ZNF770: variants seen among roughly 807,000 people sequenced by gnomAD.
ZNF770 encodes zinc finger protein 770.
A neutral mutation model predicts 44.8 loss-of-function variants in ZNF770; 13 were observed. That is an observed-to-expected ratio of 0.29 (90% CI 0.19 to 0.46). ZNF770 has a LOEUF of 0.46. Ranked by LOEUF, ZNF770 falls within the 20% of genes least tolerant of loss-of-function variation. ZNF770 has a pLI of 1.00. For missense variants in ZNF770, 681 were observed against 797.9 expected, an observed-to-expected ratio of 0.85 and a Z score of 1.77; for synonymous variants, 304 against 271.8, an observed-to-expected ratio of 1.12 and a Z score of -1.17.
Position 34,982,401 on chromosome 15 carries a change from C to T in ZNF770, c.1034G>A (p.Arg345His), listed in dbSNP as rs561248623. The change falls in exon 3 of 3, where the codon CGT becomes CAT. Residue 345 changes from arginine to histidine, a missense_variant. By Grantham distance (29) the Arg-to-His change is conservative. This residue lies in a region of ZNF770 where 432 missense variants were observed against 434.1 expected (regional missense o/e 1.00). Coordinates refer to ENST00000356321, the MANE Select transcript of ZNF770 (RefSeq NM_014106.4). Reference sequence around the variant, plus strand: ...GTTATCTAATTTTTTACTCCTAGCACGCTTAAGCTTGGCCAAGATTTTTTT... The same window carrying T: ...GTTATCTAATTTTTTACTCCTAGCATGCTTAAGCTTGGCCAAGATTTTTTT... ...IVKKILAKLK[R>H]ARSKKLDNFQ... The T allele has an allele frequency of 2.5e-5, 41 of 1,612,944 alleles. No individual in the cohort carries two copies. Among genetic ancestry groups the T allele is most frequent in the African/African-American group, 4.0e-5 (3 of 75,006 alleles).
At chr15:34,984,252 G>A (rs1378735463) in intron 2 of ZNF770, among the ~76,000 whole-genome samples, 3 of 152,038 alleles carry the variant, frequency 2.0e-5, no homozygotes, top group Non-Finnish European at 4.4e-5. Flanking sequence ...TAAATCTAAG[G>A]AACTATTTAG....
In ZNF770 at chr15:34,982,162, T is replaced by C. The variant is rs377409610; in HGVS notation, c.1273A>G (p.Thr425Ala). ...TTATCAATGCTTAATATGTTTTCTG[T>C]CGTAAGGATGCCTTTCAAATTTTTT... ...MGKNLKGILT[T>A]ENILSIDNSV... Residue 425 changes from threonine to alanine, a missense_variant, in exon 3 of 3, where the codon ACA (threonine) becomes GCA (alanine). Physicochemically the swap from Thr to Ala is moderately conservative, Grantham distance 58. Transcript: ENST00000356321. The C allele has an allele frequency of 2.4e-5, 38 of 1,613,218 alleles. No homozygotes were observed. Among genetic ancestry groups the C allele is most frequent in the Non-Finnish European group, 2.9e-5 (34 of 1,179,854 alleles).
At chr15:34,985,718 A>C (rs999040072) in intron 2 of ZNF770, among the ~76,000 whole-genome samples, 1 of 152,058 alleles carries the variant, frequency 6.6e-6, no homozygotes, top group African/African-American at 2.4e-5. Context: ...ACATGGTGAA[A>C]CCCTGTCTCT....
rs2050413027 is a variant in ZNF770, at chr15:34,983,009, G to A, written c.426C>T (p.His142=). Residue 142 remains histidine (H), a synonymous_variant, in exon 3 of 3, where the codon CAC becomes CAT. Coordinates refer to ENST00000356321, the MANE Select transcript of ZNF770 (RefSeq NM_014106.4). ...ACATGGGATCAGACTTAGAGCACGG[G>A]TGTAATGCCCATCTTTCCTCTGTGG... ...TFTTEERWAL[H]PCSKSDPMYS... 1 of 1,613,892 alleles carries A rather than the reference G, an allele frequency of 6.2e-7. No homozygotes were observed. The highest frequency in any genetic ancestry group is 2.2e-5 in the East Asian group (1 of 44,874).
chr15:34,984,328 A>G (rs2050421495), intron 2 of ZNF770, among the ~76,000 whole-genome samples: 1 of 152,208 alleles, frequency 6.6e-6, no homozygotes, highest in East Asian at 1.9e-4. Context: ...AGCGTTTCTC[A>G]ATAAGAGATA....
Position 34,983,305 on chromosome 15 carries a change from T to C in ZNF770, c.130A>G (p.Arg44Gly). ...KHFETPSKLA[R>G]HYLIHTGQKP... ...TGACCAGTATGAATGAGATAGTGCC[T>C]AGCTAATTTTGATGGTGTTTCAAAG... Residue 44 changes from arginine to glycine, a missense_variant, in exon 3 of 3, where the codon AGG (arginine) becomes GGG (glycine). Arg to Gly is a moderately radical substitution (Grantham distance 125). Around this residue, in one of 5 missense-constraint regions of ZNF770, gnomAD observed 65 missense variants for 115.0 expected, o/e 0.57. Coordinates refer to ENST00000356321, the MANE Select transcript of ZNF770 (RefSeq NM_014106.4). The C allele has an allele frequency of 6.2e-7, 1 of 1,613,444 alleles. No individual in the cohort carries two copies. The highest frequency in any genetic ancestry group is 8.5e-7 in the Non-Finnish European group (1 of 1,179,516).
At position 34,981,492 on chromosome 15, in the gene ZNF770, G is replaced by C; in HGVS notation, c.1943C>G (p.Ala648Gly). ...TGAGCATTCAAATGGTTTCTGCCCT[G>C]CATGAATTAGGTAGTGTCTTTCCAG... ...SKLERHYLIH[A>G]GQKPFECSVC... Residue 648 changes from alanine (A) to glycine (G), a missense_variant, in exon 3 of 3, where the codon GCA (alanine) becomes GGA (glycine). Physicochemically the swap from Ala to Gly is moderately conservative, Grantham distance 60. Coordinates refer to ENST00000356321, the MANE Select transcript of ZNF770 (RefSeq NM_014106.4). 1 of 1,614,222 alleles carries C rather than the reference G, an allele frequency of 6.2e-7. No individual in the cohort carries two copies. The highest frequency in any genetic ancestry group is 1.1e-5 in the South Asian group (1 of 91,086).
chr15:34,979,664 G>A lies in ZNF770; in HGVS notation c.*1695C>T, dbSNP rs914529339. The A allele has an allele frequency of 5.4e-5, 23 of 428,922 alleles. No homozygotes were observed. The highest frequency in any genetic ancestry group is 3.6e-4 in the Admixed American group (14 of 38,626). 26.6% of individuals were successfully genotyped at this position (428,922 alleles called of 1,614,324 possible). The stretch of plus-strand genomic sequence containing the variant: ...ATCACCCCCACCTACTATCCCTCCC[G>A]CCTCCCCCCTGTCAAAAGAAAGTTC... On this transcript the variant is annotated 3_prime_UTR_variant, in exon 3 of 3. Transcript: ENST00000356321.
Position 34,981,167 on chromosome 15 carries a change from A to G in ZNF770, c.*192T>C. 1 of 590,988 alleles carries G rather than the reference A, an allele frequency of 1.7e-6. No individual in the cohort carries two copies. Among genetic ancestry groups the G allele is most frequent in the South Asian group, 2.5e-5 (1 of 40,504 alleles). 36.6% of individuals were successfully genotyped at this position (590,988 alleles called of 1,614,324 possible). On this transcript the variant is annotated 3_prime_UTR_variant, in exon 3 of 3. Transcript: ENST00000356321. ...AGCATCAAATCATGTTCTTGCCTCT[A>G]AAATTAACTTGGCTGTTTCTAAAAC...
rs1346597672 is a variant in ZNF770, at chr15:34,982,053, A to G, written c.1382T>C (p.Phe461Ser). The change falls in exon 3 of 3, where the codon TTT (phenylalanine) becomes TCT (serine). Residue 461 changes from phenylalanine (F) to serine (S), a missense_variant. Physicochemically the swap from Phe to Ser is radical, Grantham distance 155 (BLOSUM62 -2). Around this residue, in one of 5 missense-constraint regions of ZNF770, gnomAD observed 432 missense variants for 434.1 expected, o/e 1.00. Transcript: ENST00000356321. ...FNNCEVLQCG[F>S]SVPRENIRTR... ...ACGTATGTTTTCCCTTGGAACTGAA[A>G]AACCACACTGAAGTACCTCACAGTT... 6.2e-7 allele frequency: 1 copy of G among 1,613,728 alleles called. No individual in the cohort carries two copies. The highest frequency in any genetic ancestry group is 2.2e-5 in the East Asian group (1 of 44,864).
intron 2 of ZNF770, among the ~76,000 whole-genome samples, chr15:34,985,065 C>T (rs542551181): frequency 6.8e-6 from 1 of 147,598 alleles, no homozygotes; most frequent in East Asian, 2.0e-4. Flanking sequence ...ACTGGGGAGG[C>T]GGAGGTTGCA....
At chr15:34,986,332 T>C (rs897134628) in intron 2 of ZNF770, among the ~76,000 whole-genome samples, 4 of 152,198 alleles carry the variant, frequency 2.6e-5, no homozygotes, top group African/African-American at 9.7e-5. Flanking sequence ...ATAACCCAGA[T>C]ATCAATGTTA....
intron 2 of ZNF770, among the ~76,000 whole-genome samples, chr15:34,985,935 AAAT>A (rs1166118205): frequency 6.6e-6 from 1 of 152,104 alleles, no homozygotes; most frequent in Non-Finnish European, 1.5e-5. Flanking sequence ...AATAGGGGAT[AAAT>A]AATAGTAGAA....
rs141067974 is a variant in ZNF770, at chr15:34,981,439, G to A, written c.1996C>T (p.Pro666Ser). ...SVCGKTFRQAPHWKRHQLTHF... is the reference protein window; with the variant it reads ...SVCGKTFRQASHWKRHQLTHF... ...GTAAGCTGATGTCTCTTCCAGTGAGGAGCCTGTCTGAATGTTTTGCCACAA... is the reference window on the plus strand; with the variant it reads ...GTAAGCTGATGTCTCTTCCAGTGAGAAGCCTGTCTGAATGTTTTGCCACAA... The change falls in exon 3 of 3, where the codon CCT becomes TCT. Residue 666 changes from proline to serine, a missense_variant. Physicochemically the swap from Pro to Ser is moderately conservative, Grantham distance 74. Around this residue, in one of 5 missense-constraint regions of ZNF770, gnomAD observed 10 missense variants for 33.9 expected, o/e 0.30. Coordinates refer to ENST00000356321, the MANE Select transcript of ZNF770 (RefSeq NM_014106.4). 1.9e-6 allele frequency: 3 copies of A among 1,614,098 alleles called. No individual in the cohort carries two copies. Among genetic ancestry groups the A allele is most frequent in the African/African-American group, 1.3e-5 (1 of 75,038 alleles).
At chr15:34,987,466 ATAG>A (rs1344378134) in intron 2 of ZNF770, 88 bp downstream of exon 2, 2 of 152,268 alleles carry the variant, frequency 1.3e-5, no homozygotes, top group Admixed American at 1.3e-4. Flanking sequence ...AAATAAAAGA[ATAG>A]TAGATCTGCT....
Position 34,981,892 on chromosome 15 carries a change from A to C in ZNF770, c.1543T>G (p.Ser515Ala). 1.9e-6 allele frequency: 3 copies of C among 1,613,934 alleles called. No homozygotes were observed. Among genetic ancestry groups the C allele is most frequent in the Non-Finnish European group, 2.5e-6 (3 of 1,179,970 alleles). The change falls in exon 3 of 3, where the codon TCA becomes GCA. Residue 515 changes from serine (S) to alanine (A), a missense_variant. Ser to Ala is a moderately conservative substitution (Grantham distance 99). This residue lies in a region of ZNF770 where 148 missense variants were observed against 191.0 expected (regional missense o/e 0.77). Coordinates refer to ENST00000356321, the MANE Select transcript of ZNF770 (RefSeq NM_014106.4). ...TGTTCATGTCTTTTTAAGTGAGCTG[A>C]CTGTCTAAAAGATTTCCCACAAATA... is the stretch of plus-strand genomic sequence containing the variant. ...CNICGKSFRQSAHLKRHEQTH... is the reference protein window; with the variant it reads ...CNICGKSFRQAAHLKRHEQTH...
In ZNF770 at chr15:34,983,481, C is replaced by A; in HGVS notation, c.-47G>T. ...ATGAGCTCCATACTGTTCTTAAATT[C>A]CACAGATGTCTAAAAATTAAAGGAA... On this transcript the variant is annotated 5_prime_UTR_variant, in exon 3 of 3. Coordinates refer to ENST00000356321, the MANE Select transcript of ZNF770 (RefSeq NM_014106.4). The A allele has an allele frequency of 2.3e-6, 3 of 1,324,828 alleles. No individual in the cohort carries two copies. Among genetic ancestry groups the A allele is most frequent in the South Asian group, 5.1e-5 (2 of 39,420 alleles). 82.1% of individuals were successfully genotyped at this position (1,324,828 alleles called of 1,614,324 possible).
At position 34,987,567 on chromosome 15, in the gene ZNF770, T is replaced by C. The variant is rs1288418545; in HGVS notation, c.-67A>G. On this transcript the variant is annotated 5_prime_UTR_variant, in exon 2 of 3. Transcript: ENST00000356321. ...ACTGTAAAAACTGACCTCAATAATA[T>C]CCAATGTTGCCTCAAGGCTGAAAGC... 5.9e-5 allele frequency: 9 copies of C among 152,236 alleles called. No homozygotes were observed. Among genetic ancestry groups the C allele is most frequent in the Admixed American group, 3.9e-4 (6 of 15,276 alleles). 9.4% of individuals were successfully genotyped at this position (152,236 alleles called of 1,614,324 possible). A position where few individuals can be genotyped will look rare whatever the true frequency, so the allele number is the denominator to read the frequency against.
intron 2 of ZNF770, among the ~76,000 whole-genome samples, chr15:34,984,629 G>T (rs1261575170): frequency 6.7e-6 from 1 of 149,388 alleles, no homozygotes; most frequent in East Asian, 2.0e-4. Flanking sequence ...TTGCAATCCA[G>T]CCTGGGTGAG....
Sources: allele counts gnomAD v4.1 joint callset (sites outside exome capture counted in the v4.1 genomes callset), GRCh38; gene constraint gnomAD v4.1.1; regional missense constraint gnomAD v4.1.1; transcripts MANE v1.5; gene names NCBI Gene and HGNC (gene_info 2026-07-23, HGNC 2026-07-21).